BICDL1: variants seen among roughly 807,000 people sequenced by gnomAD.
BICDL1 encodes BICD family like cargo adaptor 1, also known as BICD family-like cargo adapter 1.
Under a neutral mutation model 76.8 loss-of-function variants are expected in BICDL1, and 20 were observed. The observed-to-expected ratio is 0.26, with a 90% CI of 0.18 to 0.38. BICDL1 has a LOEUF of 0.38. BICDL1 is among the 10% of genes least tolerant of loss of function. BICDL1 has a pLI of 1.00. For synonymous variants in BICDL1, 383 were observed against 337.1 expected, an observed-to-expected ratio of 1.14 and a Z score of -1.49; for missense variants, 700 against 798.6, an observed-to-expected ratio of 0.88 and a Z score of 1.49.
At chr12:120,009,075 C>T (rs985769103) in intron 2 of BICDL1, among the ~76,000 whole-genome samples, 1 of 151,968 alleles carries the variant, frequency 6.6e-6, no homozygotes, top group Non-Finnish European at 1.5e-5. Context: ...GCAAACTCCA[C>T]CTCCTGGGTT....
At chr12:120,023,622 C>G (rs1164668523) in intron 2 of BICDL1, among the ~76,000 whole-genome samples, 1 of 152,044 alleles carries the variant, frequency 6.6e-6, no homozygotes, top group African/African-American at 2.4e-5. Context: ...AACCCCATCT[C>G]TACTAAAAAT....
At chr12:119,993,634 T>G (rs76969989) in intron 1 of BICDL1, among the ~76,000 whole-genome samples, 1 of 151,408 alleles carries the variant, frequency 6.6e-6, no homozygotes, top group Non-Finnish European at 1.5e-5. Flanking sequence ...TTTTTTTTTT[T>G]GAGACAGAGT....
intron 2 of BICDL1, among the ~76,000 whole-genome samples, chr12:120,005,023 A>G (rs760523358): frequency 4.0e-4 from 61 of 152,096 alleles, no homozygotes; most frequent in Admixed American, 2.8e-3. Flanking sequence ...GGATTTCACC[A>G]TGTTGGCCAG....
intron 8 of BICDL1, among the ~76,000 whole-genome samples, chr12:120,083,460 G>C (rs1415203462): frequency 6.6e-6 from 1 of 151,740 alleles, no homozygotes; most frequent in Admixed American, 6.6e-5. Context: ...ACGAGGTTTT[G>C]TCCTGTTGCT....
intron 2 of BICDL1, among the ~76,000 whole-genome samples, chr12:120,029,214 G>A (rs1952370714): frequency 6.6e-6 from 1 of 152,130 alleles, no homozygotes; most frequent in African/African-American, 2.4e-5. Flanking sequence ...GATCTCCACA[G>A]GTATGAACAG....
rs1305580542 is a variant in BICDL1, at chr12:120,089,570, CAG to C, written c.1584-380_1584-379del. 1.4e-4 allele frequency among the ~76,000 whole-genome samples: 22 copies of C among 152,050 alleles called. No homozygotes were observed. In the East Asian group the frequency reaches 4.1e-3, roughly 28 times the overall value. On this transcript the variant is annotated intron_variant, in intron 8 of 9. Transcript: ENST00000548673. ...GCTAATTTTGTATTTTTAGTAGAGA[CAG>C]GGTTTCTCCATGTTGGTCAGGCTGG...
intron 4 of BICDL1, among the ~76,000 whole-genome samples, chr12:120,069,689 A>AT (rs200806820): frequency 2.0e-5 from 3 of 151,168 alleles, no homozygotes; most frequent in Non-Finnish European, 3.0e-5. Flanking sequence ...TTTCCCCTTA[A>AT]TTTTTTTTTC....
chr12:119,993,413 A>G lies in BICDL1; in HGVS notation c.429+3116A>G, dbSNP rs375734281. 2.6e-5 allele frequency: 4 copies of G among 152,270 alleles called. No homozygotes were observed. In the East Asian group the frequency reaches 5.8e-4, roughly 22 times the overall value. The allele number at this position is 152,270 out of a possible 1,614,324, so 9.4% of individuals were successfully genotyped here. A position where few individuals can be genotyped will look rare whatever the true frequency, so the allele number is the denominator to read the frequency against. On this transcript the variant is annotated intron_variant, in intron 1 of 9. Coordinates refer to ENST00000548673, the MANE Select transcript of BICDL1 (RefSeq NM_001367886.1). Reference sequence around the variant, plus strand: ...ACATTAAAGTACTTGATGCTACACTATTGTGTCATTAAAGGCATACTATTA... The same window carrying G: ...ACATTAAAGTACTTGATGCTACACTGTTGTGTCATTAAAGGCATACTATTA...
chr12:120,018,302 C>T (rs1328576098), intron 2 of BICDL1, among the ~76,000 whole-genome samples: 1 of 152,120 alleles, frequency 6.6e-6, no homozygotes, highest in Non-Finnish European at 1.5e-5. Context: ...GCTGTTCTTG[C>T]CCAATTTAGT....
At chr12:120,026,123 C>T (rs1458497396) in intron 2 of BICDL1, among the ~76,000 whole-genome samples, 1 of 152,202 alleles carries the variant, frequency 6.6e-6, no homozygotes, top group Non-Finnish European at 1.5e-5. Flanking sequence ...CAGGCATGAA[C>T]CACCGTGCCC....
chr12:120,064,689 C>T lies in BICDL1; in HGVS notation c.763-44C>T, dbSNP rs376152190. ...AGTCCCTAGTTCCTACTTGTCAGCCCGGGTGTAACTCCACACCACCCCTGT... is the reference window on the plus strand; with the variant it reads ...AGTCCCTAGTTCCTACTTGTCAGCCTGGGTGTAACTCCACACCACCCCTGT... On this transcript the variant is annotated intron_variant, in intron 3 of 9. Transcript: ENST00000548673. 43 of 1,556,208 alleles carry T rather than the reference C, an allele frequency of 2.8e-5. No homozygotes were observed. The African/African-American group carries it at 4.4e-4, about 16-fold the overall frequency.
intron 2 of BICDL1, among the ~76,000 whole-genome samples, chr12:120,000,793 CCTTTT>C (rs1242612075): frequency 1.3e-5 from 2 of 152,124 alleles, no homozygotes; most frequent in African/African-American, 2.4e-5. Flanking sequence ...GCCTCAGTTT[CCTTTT>C]CTTTAAAATG....
chr12:119,990,092 A>G lies in BICDL1; in HGVS notation c.224A>G (p.His75Arg). 1 of 1,539,922 alleles carries G rather than the reference A, an allele frequency of 6.5e-7. No homozygotes were observed. The highest frequency in any genetic ancestry group is 2.1e-5 in the Admixed American group (1 of 48,460). Residue 75 changes from histidine (H) to arginine (R), a missense_variant, in exon 1 of 10, where the codon CAC becomes CGC. His to Arg is a conservative substitution (Grantham distance 29). Around this residue, in one of 3 missense-constraint regions of BICDL1, gnomAD observed 225 missense variants for 199.6 expected, o/e 1.13. Coordinates refer to ENST00000548673, the MANE Select transcript of BICDL1 (RefSeq NM_001367886.1). ...GAGCGGCCGTCCGACCCCGGGGAAC[A>G]CCCTCAGGCCGAGCCTGGGTCTCTG... ...AGERPSDPGE[H>R]PQAEPGSLAE... is the part of the protein sequence containing the mutation.
chr12:120,002,250 A>T (rs1262370186), intron 2 of BICDL1, among the ~76,000 whole-genome samples: 1 of 152,160 alleles, frequency 6.6e-6, no homozygotes, highest in Non-Finnish European at 1.5e-5. Flanking sequence ...ACCTATGTAA[A>T]GACCCTGTCT....
rs1049280391 is a variant in BICDL1, at chr12:119,997,633, C to T, written c.430-888C>T. Among the ~76,000 whole-genome samples the T allele has an allele frequency of 5.3e-5, 8 of 152,284 alleles. No individual in the cohort carries two copies. The East Asian group carries it at 1.2e-3, about 22-fold the overall frequency. ...AGAGTCAACTGACTTAGACAGTCCC[C>T]GCTTTGCCGTTTACTAGTAGTGACC... On this transcript the variant is annotated intron_variant, in intron 1 of 9. Transcript: ENST00000548673.
intron 2 of BICDL1, chr12:120,057,046 A>G: frequency 1.9e-6 from 1 of 517,498 alleles, no homozygotes; most frequent in Non-Finnish European, 3.9e-6. Flanking sequence ...TGGATGCCTT[A>G]GAGGAAGAGA....
At position 120,092,933 on chromosome 12, in the gene BICDL1, C is replaced by G. The variant is rs758952069; in HGVS notation, c.1705-67C>G. 101 of 1,490,448 alleles carry G rather than the reference C, an allele frequency of 6.8e-5. 3 individuals are homozygous for G. In the South Asian group the frequency reaches 1.2e-3, roughly 18 times the overall value. 92.3% of individuals were successfully genotyped at this position (1,490,448 alleles called of 1,614,324 possible). A position where few individuals can be genotyped will look rare whatever the true frequency, so the allele number is the denominator to read the frequency against. Reference sequence around the variant, plus strand: ...TCATCTGTCTGATGTTCCCACCTCCCTGTCCAGCCCCAGGGTTAGGTGAGA... The same window carrying G: ...TCATCTGTCTGATGTTCCCACCTCCGTGTCCAGCCCCAGGGTTAGGTGAGA... On this transcript the variant is annotated intron_variant, in intron 9 of 9. Coordinates refer to ENST00000548673, the MANE Select transcript of BICDL1 (RefSeq NM_001367886.1).
intron 2 of BICDL1, among the ~76,000 whole-genome samples, chr12:120,004,057 T>C (rs1021108840): frequency 6.6e-6 from 1 of 152,216 alleles, no homozygotes; most frequent in East Asian, 1.9e-4. Flanking sequence ...GAAAGCTGAA[T>C]GGTGATTGCT....
chr12:120,045,866 A>G (rs1952738472), intron 2 of BICDL1, among the ~76,000 whole-genome samples: 1 of 151,818 alleles, frequency 6.6e-6, no homozygotes, highest in East Asian at 1.9e-4. Flanking sequence ...ACATGTATGC[A>G]TATGTAACTA....
Sources: allele counts gnomAD v4.1 joint callset (sites outside exome capture counted in the v4.1 genomes callset), GRCh38; gene constraint gnomAD v4.1.1; regional missense constraint gnomAD v4.1.1; transcripts MANE v1.5; gene names NCBI Gene and HGNC (gene_info 2026-07-23, HGNC 2026-07-21).